Variants in MICU2 observed in about 807,000 individuals in gnomAD.
MICU2 encodes the protein mitochondrial calcium uptake 2.
In MICU2, 64 loss-of-function variants were observed where a neutral mutation model predicts 60.4. The ratio of observed to expected loss-of-function variants is 1.06; its 90% confidence interval spans 0.87 to 1.31. The LOEUF (loss-of-function observed/expected upper bound fraction) is 1.31. MICU2 is among the 50% of genes most tolerant of loss of function. MICU2 has a pLI of 0.00. For synonymous variants in MICU2, 201 were observed against 175.0 expected (o/e 1.15, Z -1.17); for missense variants, 569 against 531.0 (o/e 1.07, Z -0.70).
At chr13:21,522,060 T>C (rs1886731671) in intron 5 of MICU2, among the ~76,000 whole-genome samples, 1 of 152,252 alleles carries the variant, frequency 6.6e-6, no homozygotes. Flanking sequence ...TCCTCTAATG[T>C]TAACATCTTA....
intron 1 of MICU2, among the ~76,000 whole-genome samples, chr13:21,584,388 C>CA (rs369331807): frequency 0.25 from 25,786 of 103,094 alleles, 2,736 homozygotes; most frequent in Non-Finnish European, 0.32. Context: ...GACTCCATCT[C>CA]AAAAAAAAAA....
chr13:21,593,192 A>G (rs1401733790), intron 1 of MICU2, among the ~76,000 whole-genome samples: 2 of 152,128 alleles, frequency 1.3e-5, no homozygotes, highest in Admixed American at 1.3e-4. Context: ...TCAATGTGCA[A>G]AAATCACAAG....
At chr13:21,601,709 G>A (rs566695489) in intron 1 of MICU2, among the ~76,000 whole-genome samples, 26 of 152,306 alleles carry the variant, frequency 1.7e-4, no homozygotes, top group African/African-American at 6.3e-4. Context: ...CGGTATTTAA[G>A]TCTTGTTCTA....
intron 4 of MICU2, among the ~76,000 whole-genome samples, chr13:21,532,393 C>T (rs548366557): frequency 1.3e-5 from 2 of 152,056 alleles, no homozygotes; most frequent in South Asian, 2.1e-4. Context: ...AAAAGAAAAA[C>T]ATTTTACTTG....
At position 21,526,938 on chromosome 13, in the gene MICU2, A is replaced by G. The variant is rs1417901233; in HGVS notation, c.467-4288T>C. Among the ~76,000 whole-genome samples, 3 of 152,296 alleles carry G rather than the reference A, an allele frequency of 2.0e-5. No homozygotes were observed. The East Asian group carries it at 5.8e-4, about 29-fold the overall frequency. ...CTAATGACTCCCAAGCAAATAAAGG[A>G]GGGAGTCAGGGCCAAAGGTAGTTCA... is the stretch of plus-strand genomic sequence containing the variant. On this transcript the variant is annotated intron_variant, in intron 4 of 11. Coordinates refer to ENST00000382374, the MANE Select transcript of MICU2 (RefSeq NM_152726.3).
chr13:21,523,624 T>G (rs1886779966), intron 4 of MICU2, among the ~76,000 whole-genome samples: 1 of 152,210 alleles, frequency 6.6e-6, no homozygotes, highest in African/African-American at 2.4e-5. Flanking sequence ...AAATGCTAAT[T>G]GGCTGAAGCC....
At chr13:21,511,972 G>A (rs189010255) in intron 7 of MICU2, among the ~76,000 whole-genome samples, 1 of 151,636 alleles carries the variant, frequency 6.6e-6, no homozygotes, top group East Asian at 1.9e-4. Context: ...TTCCCGTTTG[G>A]GCTGGATGCT....
At chr13:21,573,567 C>G (rs1230948899) in intron 1 of MICU2, among the ~76,000 whole-genome samples, 1 of 152,120 alleles carries the variant, frequency 6.6e-6, no homozygotes, top group Admixed American at 6.5e-5. Context: ...CCACTGCGCC[C>G]AGCTTGCTGC....
At chr13:21,521,970 G>A (rs1484349525) in intron 5 of MICU2, among the ~76,000 whole-genome samples, 8 of 152,176 alleles carry the variant, frequency 5.3e-5, no homozygotes. Flanking sequence ...GTAGAGATGG[G>A]GTTTTACCAT....
intron 9 of MICU2, among the ~76,000 whole-genome samples, chr13:21,500,428 T>G (rs1211698): frequency 0.17 from 24,032 of 143,002 alleles, 2,705 homozygotes; most frequent in East Asian, 0.57. Context: ...TTTTTTTTTT[T>G]TTTTTTTTTT....
At chr13:21,523,250 A>G (rs986720087) in intron 4 of MICU2, among the ~76,000 whole-genome samples, 1 of 152,160 alleles carries the variant, frequency 6.6e-6, no homozygotes, top group Non-Finnish European at 1.5e-5. Flanking sequence ...GCATGAGCCA[A>G]TTCTTCACAG....
At position 21,496,058 on chromosome 13, in the gene MICU2, T is replaced by C; in HGVS notation, c.1036A>G (p.Arg346Gly). The change falls in exon 10 of 12, where the codon AGA becomes GGA. Residue 346 changes from arginine to glycine, a missense_variant. Coordinates refer to ENST00000382374, the MANE Select transcript of MICU2 (RefSeq NM_152726.3). ...QMFSLAHRPVRLAEFKRAVKV... is the reference protein window; with the variant it reads ...QMFSLAHRPVGLAEFKRAVKV... ...GGTTTTTCATATAACTTACCTAGTC[T>C]GACAGGACGATGAGCTAAACTGAAC... The C allele has an allele frequency of 6.2e-7, 1 of 1,611,606 alleles. No individual in the cohort carries two copies. Among genetic ancestry groups the C allele is most frequent in the Non-Finnish European group, 8.5e-7 (1 of 1,178,568 alleles).
chr13:21,501,128 AC>A (rs1371818787), intron 9 of MICU2, among the ~76,000 whole-genome samples: 1 of 152,232 alleles, frequency 6.6e-6, no homozygotes, highest in African/African-American at 2.4e-5. Context: ...AATTTAAAAT[AC>A]TATTTCATAA....
intron 1 of MICU2, among the ~76,000 whole-genome samples, chr13:21,602,984 T>G (rs1021851124): frequency 7.0e-6 from 1 of 142,336 alleles, no homozygotes; most frequent in Non-Finnish European, 1.5e-5. Flanking sequence ...TTTTTTTTTT[T>G]TGAGACGGAG....
intron 8 of MICU2, among the ~76,000 whole-genome samples, chr13:21,509,798 T>C (rs1886381889): frequency 6.6e-6 from 1 of 152,252 alleles, no homozygotes; most frequent in South Asian, 2.1e-4. Flanking sequence ...CTACTTTCTA[T>C]AGTAAGGTAC....
rs200825614 is a variant in MICU2, at chr13:21,495,547, C to G, written c.1043-229G>C. ...ATTGTAATTTAATCAATGCTCTAAA[C>G]ATATATTTGAGATGAATCTTGCTCG... is the stretch of plus-strand genomic sequence containing the variant. On this transcript the variant is annotated intron_variant, in intron 10 of 11. Coordinates refer to ENST00000382374, the MANE Select transcript of MICU2 (RefSeq NM_152726.3). The G allele has an allele frequency of 4.9e-4, 209 of 426,990 alleles. 1 individual carries two copies. The East Asian group carries it at 6.6e-3, about 13-fold the overall frequency. The allele number at this position is 426,990 out of a possible 1,614,324, so 26.5% of individuals were successfully genotyped here.
intron 2 of MICU2, among the ~76,000 whole-genome samples, chr13:21,542,394 A>G (rs114109104): frequency 0.011 from 1,641 of 152,274 alleles, 33 homozygotes; most frequent in African/African-American, 0.036. Flanking sequence ...CAAATAATCT[A>G]ATTTTTCCTT....
At chr13:21,530,940 T>C in intron 4 of MICU2, 1 of 766,122 alleles carries the variant, frequency 1.3e-6, no homozygotes, top group Non-Finnish European at 2.4e-6. Flanking sequence ...GCCCCAATCC[T>C]GTGGTCCAGA....
At chr13:21,526,959 G>C (rs1405398967) in intron 4 of MICU2, among the ~76,000 whole-genome samples, 2 of 152,206 alleles carry the variant, frequency 1.3e-5, no homozygotes, top group African/African-American at 4.8e-5. Flanking sequence ...GCCAAAGGTA[G>C]TTCAGAGCAA....
Sources: gnomAD v4.1 joint callset for allele counts (sites outside exome capture counted in the v4.1 genomes callset) on GRCh38, gnomAD v4.1.1 for gene constraint, MANE v1.5 for transcripts, NCBI Gene and HGNC (gene_info 2026-07-23, HGNC 2026-07-21) for gene names.